MICU1: variants seen among roughly 807,000 people sequenced by gnomAD.
MICU1 encodes the protein calcium uptake protein 1, mitochondrial.
A neutral mutation model predicts 56.8 loss-of-function variants in MICU1; 45 were observed. The observed-to-expected ratio is 0.79, with a 90% CI of 0.62 to 1.02. The LOEUF is 1.02. Ranked by LOEUF, MICU1 falls within the 50% of genes least tolerant of loss-of-function variation. MICU1 has a pLI of 0.00. For missense variants in MICU1, 504 were observed against 587.1 expected (o/e 0.86, Z 1.46); for synonymous variants, 186 against 195.1 (o/e 0.95, Z 0.39).
intron 1 of MICU1, among the ~76,000 whole-genome samples, chr10:72,586,861 T>C (rs950492535): frequency 1.3e-5 from 2 of 152,228 alleles, no homozygotes; most frequent in African/African-American, 4.8e-5. Flanking sequence ...CATGCCTATA[T>C]CTCTCTCTTC....
rs374544316 is a variant in MICU1, at chr10:72,533,729, T to C, written c.537+17A>G. 2.3e-5 allele frequency: 37 copies of C among 1,575,358 alleles called. No individual in the cohort carries two copies. Among genetic ancestry groups the C allele is most frequent in the Non-Finnish European group, 3.0e-5 (35 of 1,150,396 alleles). ...AAATGATAGGATATATGTATAGAAG[T>C]GTCATAGTTTGCTCACCTTTCCATC... On this transcript the variant is annotated intron_variant, in intron 5 of 11. Coordinates refer to ENST00000361114, the MANE Select transcript of MICU1 (RefSeq NM_001195518.2).
chr10:72,606,386 C>T (rs1216781175), intron 1 of MICU1, among the ~76,000 whole-genome samples: 8 of 151,452 alleles, frequency 5.3e-5, no homozygotes, highest in Non-Finnish European at 8.8e-5. Context: ...TGGTGGTGGA[C>T]GTCTGTAATT....
intron 10 of MICU1, among the ~76,000 whole-genome samples, chr10:72,389,591 G>T (rs911764187): frequency 6.6e-6 from 1 of 152,092 alleles, no homozygotes; most frequent in Non-Finnish European, 1.5e-5. Context: ...AATTGTGCAG[G>T]GGCGTGAATA....
At chr10:72,557,598 G>A (rs540651091) in intron 3 of MICU1, among the ~76,000 whole-genome samples, 1 of 152,314 alleles carries the variant, frequency 6.6e-6, no homozygotes, top group African/African-American at 2.4e-5. Flanking sequence ...AGGAGCAAGA[G>A]TTTTTACGTC....
intron 8 of MICU1, among the ~76,000 whole-genome samples, chr10:72,466,231 A>G (rs561028239): frequency 6.6e-6 from 1 of 152,362 alleles, no homozygotes; most frequent in South Asian, 2.1e-4. Context: ...GACAGCCTCT[A>G]TATGCTGACA....
chr10:72,498,510 C>T (rs982306667), intron 6 of MICU1, among the ~76,000 whole-genome samples: 2 of 152,116 alleles, frequency 1.3e-5, no homozygotes, highest in South Asian at 2.1e-4. Context: ...GGCTTGAACC[C>T]AGGAGGCGGA....
chr10:72,401,471 T>C (rs1863453677), intron 10 of MICU1, among the ~76,000 whole-genome samples: 1 of 152,138 alleles, frequency 6.6e-6, no homozygotes, highest in African/African-American at 2.4e-5. Context: ...CTGGCCAACA[T>C]GGCAAAATCT....
chr10:72,568,627 A>G (rs535186712), intron 1 of MICU1, among the ~76,000 whole-genome samples: 1 of 152,286 alleles, frequency 6.6e-6, no homozygotes, highest in East Asian at 1.9e-4. Context: ...GCTGACCTGT[A>G]GAATGCTGGT....
intron 8 of MICU1, among the ~76,000 whole-genome samples, chr10:72,462,887 C>T (rs79575823): frequency 0.013 from 1,930 of 152,272 alleles, 43 homozygotes; most frequent in African/African-American, 0.044. Flanking sequence ...TATTTATGAG[C>T]TCCTTTTATC....
At chr10:72,469,600 GA>G (rs1865891576) in intron 8 of MICU1, among the ~76,000 whole-genome samples, 1 of 152,198 alleles carries the variant, frequency 6.6e-6, no homozygotes. Flanking sequence ...CAAGTGAGAT[GA>G]CCTATTTATA....
intron 6 of MICU1, among the ~76,000 whole-genome samples, chr10:72,488,909 G>T (rs1866559237): frequency 6.6e-6 from 1 of 152,056 alleles, no homozygotes; most frequent in South Asian, 2.1e-4. Flanking sequence ...AACCATTTAG[G>T]GTTCTTAGAA....
chr10:72,496,775 T>C (rs765271872), intron 6 of MICU1, among the ~76,000 whole-genome samples: 1 of 152,170 alleles, frequency 6.6e-6, no homozygotes, highest in African/African-American at 2.4e-5. Context: ...TTTCACTATG[T>C]TGCCAAGCCT....
At chr10:72,401,408 C>T (rs1232689082) in intron 10 of MICU1, among the ~76,000 whole-genome samples, 6 of 152,194 alleles carry the variant, frequency 3.9e-5, no homozygotes, top group Admixed American at 3.9e-4. Flanking sequence ...AATCCTAGCA[C>T]TTTGGGAGGC....
At chr10:72,491,373 C>A (rs1404141853) in intron 6 of MICU1, among the ~76,000 whole-genome samples, 4 of 152,126 alleles carry the variant, frequency 2.6e-5, no homozygotes, top group African/African-American at 9.7e-5. Flanking sequence ...AAAATAATTA[C>A]CCTTTAGTTT....
chr10:72,457,077 G>C (rs1418105207), intron 8 of MICU1, among the ~76,000 whole-genome samples: 1 of 151,660 alleles, frequency 6.6e-6, no homozygotes, highest in African/African-American at 2.4e-5. Context: ...TTCTGCCTTA[G>C]CCTCCCAAAT....
chr10:72,466,570 T>C (rs1336844112), intron 8 of MICU1, among the ~76,000 whole-genome samples: 2 of 152,224 alleles, frequency 1.3e-5, no homozygotes, highest in African/African-American at 2.4e-5. Context: ...ATTGAACATA[T>C]CATTTTGTTT....
At chr10:72,417,634 C>T (rs925412302) in intron 9 of MICU1, among the ~76,000 whole-genome samples, 9 of 152,082 alleles carry the variant, frequency 5.9e-5, no homozygotes, top group African/African-American at 2.2e-4. Context: ...AGAGGATCAC[C>T]ACTGTGAATT....
intron 1 of MICU1, among the ~76,000 whole-genome samples, chr10:72,619,024 G>A (rs1365132865): frequency 6.6e-6 from 1 of 152,198 alleles, no homozygotes; most frequent in Non-Finnish European, 1.5e-5. Flanking sequence ...ATATGTGGTA[G>A]AATATGTGGA....
intron 8 of MICU1, among the ~76,000 whole-genome samples, chr10:72,458,980 T>C (rs1050509688): frequency 7.9e-5 from 12 of 151,306 alleles, no homozygotes; most frequent in Non-Finnish European, 1.5e-4. Flanking sequence ...TTGTCCGCCT[T>C]GGTCTTCCAA....
Sources: allele counts gnomAD v4.1 joint callset (sites outside exome capture counted in the v4.1 genomes callset), GRCh38; gene constraint gnomAD v4.1.1; transcripts MANE v1.5; gene names NCBI Gene and HGNC (gene_info 2026-07-23, HGNC 2026-07-21).